CFAP299: variants seen among roughly 807,000 people sequenced by gnomAD.
CFAP299 encodes cilia- and flagella-associated protein 299.
In CFAP299, 21 loss-of-function variants were observed where a neutral mutation model predicts 27.0. That is an observed-to-expected ratio of 0.78 (90% confidence interval 0.55 to 1.12). CFAP299 has a LOEUF of 1.12. Among genes scored for constraint, CFAP299 ranks in the 50% most tolerant of loss-of-function variants. CFAP299 has a pLI of 0.00. For synonymous variants in CFAP299, 104 were observed against 98.1 expected (o/e 1.06, Z -0.36); for missense variants, 310 against 276.6 (o/e 1.12, Z -0.86).
At chr4:80,666,273 C>T (rs191703053) in intron 3 of CFAP299, among the ~76,000 whole-genome samples, 3 of 152,222 alleles carry the variant, frequency 2.0e-5, no homozygotes, top group African/African-American at 4.8e-5. Flanking sequence ...GAGTCTTATT[C>T]AGATTTGCCT....
chr4:80,806,947 A>G (rs1226604827), intron 3 of CFAP299, among the ~76,000 whole-genome samples: 1 of 152,172 alleles, frequency 6.6e-6, no homozygotes, highest in African/African-American at 2.4e-5. Flanking sequence ...ATAATTGAAA[A>G]ATTATAGACC....
At chr4:80,914,627 G>T (rs926632090) in intron 4 of CFAP299, among the ~76,000 whole-genome samples, 1 of 152,112 alleles carries the variant, frequency 6.6e-6, no homozygotes, top group South Asian at 2.1e-4. Context: ...TTTCTCTAAT[G>T]ATGAATGACA....
chr4:80,837,138 A>G (rs1462762733), intron 3 of CFAP299, among the ~76,000 whole-genome samples: 1 of 152,164 alleles, frequency 6.6e-6, no homozygotes, highest in Non-Finnish European at 1.5e-5. Context: ...TAGAAAACTG[A>G]GATGAAAAGA....
At chr4:80,457,662 T>C (rs1164550665) in intron 2 of CFAP299, among the ~76,000 whole-genome samples, 1 of 152,192 alleles carries the variant, frequency 6.6e-6, no homozygotes, top group African/African-American at 2.4e-5. Context: ...CTTCTTGACC[T>C]TGGAGCATTT....
Position 80,581,453 on chromosome 4 carries a change from GATATATATATATATATATAT to G in CFAP299, c.243-1623_243-1604del, listed in dbSNP as rs70944794. Among the ~76,000 whole-genome samples the G allele has an allele frequency of 8.7e-5, 9 of 103,018 alleles. No homozygotes were observed. In the South Asian group the frequency reaches 1.0e-3, roughly 12 times the overall value. The allele number at this position is 103,018 out of a possible 152,430, so 67.6% of individuals were successfully genotyped here. A position where few individuals can be genotyped will look rare whatever the true frequency, so the allele number is the denominator to read the frequency against. ...TGATATATATATAGATATTAAGTGA[GATATATATATATATATATAT>G]ATATATATATATATATGACAAGCTG... On this transcript the variant is annotated intron_variant, in intron 2 of 5. Coordinates refer to ENST00000358105, the MANE Select transcript of CFAP299 (RefSeq NM_152770.3).
intron 3 of CFAP299, among the ~76,000 whole-genome samples, chr4:80,801,871 C>T (rs1338946467): frequency 6.6e-6 from 1 of 152,100 alleles, no homozygotes; most frequent in Non-Finnish European, 1.5e-5. Context: ...CATTCAAGCT[C>T]CTGTAAAGTT....
At chr4:80,695,856 C>T (rs944303300) in intron 3 of CFAP299, among the ~76,000 whole-genome samples, 1 of 151,928 alleles carries the variant, frequency 6.6e-6, no homozygotes, top group Admixed American at 6.6e-5. Flanking sequence ...TAAGATTTCA[C>T]TGTGTTGCCC....
At chr4:80,439,758 C>G (rs1018353778) in intron 2 of CFAP299, among the ~76,000 whole-genome samples, 1 of 152,166 alleles carries the variant, frequency 6.6e-6, no homozygotes, top group Non-Finnish European at 1.5e-5. Flanking sequence ...CAGCAGGTCC[C>G]ACTTCCACAG....
chr4:80,375,868 A>G (rs1281262770), intron 2 of CFAP299, among the ~76,000 whole-genome samples: 1 of 152,216 alleles, frequency 6.6e-6, no homozygotes, highest in Non-Finnish European at 1.5e-5. Context: ...GCTGACAAAG[A>G]AAGAGTTAAG....
intron 3 of CFAP299, among the ~76,000 whole-genome samples, chr4:80,780,800 A>T (rs1004952422): frequency 2.6e-5 from 4 of 151,994 alleles, no homozygotes; most frequent in African/African-American, 2.4e-5. Context: ...GACTGGGTAG[A>T]CAGAGTCTAT....
intron 3 of CFAP299, among the ~76,000 whole-genome samples, chr4:80,693,195 G>A (rs1444151488): frequency 6.6e-6 from 1 of 152,104 alleles, no homozygotes; most frequent in Non-Finnish European, 1.5e-5. Flanking sequence ...TCCCATTACT[G>A]GGTATATACC....
intron 3 of CFAP299, among the ~76,000 whole-genome samples, chr4:80,713,580 A>G (rs987655078): frequency 6.6e-5 from 10 of 152,354 alleles, no homozygotes; most frequent in Middle Eastern, 3.4e-3. Flanking sequence ...ATTACAGGCC[A>G]GGCATTCTGC....
At chr4:80,688,464 C>G (rs1244716587) in intron 3 of CFAP299, among the ~76,000 whole-genome samples, 2 of 152,296 alleles carry the variant, frequency 1.3e-5, no homozygotes, top group Non-Finnish European at 1.5e-5. Context: ...GGTACTCCAA[C>G]AGACCTGCAC....
intron 3 of CFAP299, among the ~76,000 whole-genome samples, chr4:80,787,244 ATATAG>A (rs1477099904): frequency 6.7e-6 from 1 of 148,664 alleles, no homozygotes; most frequent in Non-Finnish European, 1.5e-5. Flanking sequence ...TAATATATAT[ATATAG>A]TAAATATGCA....
intron 5 of CFAP299, among the ~76,000 whole-genome samples, chr4:80,955,028 AAAAAAAC>A (rs1236246818): frequency 1.9e-5 from 2 of 106,618 alleles, no homozygotes; most frequent in Non-Finnish European, 4.2e-5. Flanking sequence ...AAAAAAAAAA[AAAAAAAC>A]GCACACATGG....
At chr4:80,434,777 C>A (rs1421742108) in intron 2 of CFAP299, among the ~76,000 whole-genome samples, 2 of 151,998 alleles carry the variant, frequency 1.3e-5, no homozygotes, top group Non-Finnish European at 2.9e-5. Context: ...ATTTGGTAGG[C>A]GGGAGGAGGA....
At chr4:80,399,921 AG>A (rs746517944) in intron 2 of CFAP299, among the ~76,000 whole-genome samples, 21 of 152,208 alleles carry the variant, frequency 1.4e-4, no homozygotes, top group Admixed American at 2.6e-4. Flanking sequence ...ATTCTAAACC[AG>A]AGGCGTTTTT....
intron 2 of CFAP299, among the ~76,000 whole-genome samples, chr4:80,548,143 G>A (rs1392085908): frequency 2.6e-5 from 4 of 151,830 alleles, no homozygotes; most frequent in African/African-American, 7.2e-5. Flanking sequence ...TATCAATGGT[G>A]AACCAGATAA....
At chr4:80,510,084 C>A (rs1414785741) in intron 2 of CFAP299, among the ~76,000 whole-genome samples, 1 of 152,134 alleles carries the variant, frequency 6.6e-6, no homozygotes, top group Non-Finnish European at 1.5e-5. Context: ...TGGCACCTGA[C>A]ATTTCCATTT....
Sources: gnomAD v4.1 joint callset for allele counts (sites outside exome capture counted in the v4.1 genomes callset) on GRCh38, gnomAD v4.1.1 for gene constraint, MANE v1.5 for transcripts, NCBI Gene and HGNC (gene_info 2026-07-23, HGNC 2026-07-21) for gene names.